Variants in MACROH2A1 observed in about 807,000 individuals in gnomAD.
MACROH2A1 encodes core histone macro-H2A.1.
Under a neutral mutation model 31.6 loss-of-function variants are expected in MACROH2A1, and 2 were observed. The ratio of observed to expected loss-of-function variants is 0.06; its 90% CI spans 0.03 to 0.20. The LOEUF is 0.20. MACROH2A1 is among the 10% of genes least tolerant of loss of function. MACROH2A1 has a pLI of 1.00. For missense variants in MACROH2A1, 230 were observed against 474.0 expected (o/e 0.49, Z 4.78); for synonymous variants, 169 against 189.6 (o/e 0.89, Z 0.89).
intron 4 of MACROH2A1, chr5:135,362,745 C>G (rs756316807): frequency 3.3e-5 from 5 of 152,156 alleles, no homozygotes; most frequent in Non-Finnish European, 7.3e-5. Context: ...AATGTGCTAA[C>G]TATCCAATCT....
At chr5:135,368,455 T>G (rs977680092) in intron 4 of MACROH2A1, among the ~76,000 whole-genome samples, 1 of 152,250 alleles carries the variant, frequency 6.6e-6, no homozygotes, top group African/African-American at 2.4e-5. Flanking sequence ...CCAGGACTTC[T>G]TATTGAGGGT....
intron 5 of MACROH2A1, chr5:135,353,951 ACT>A (rs1761888686): frequency 1.3e-5 from 2 of 152,256 alleles, no homozygotes; most frequent in South Asian, 2.1e-4. Context: ...CCCAGGTCCT[ACT>A]ATTCCCCTTG....
chr5:135,350,916 A>T, intron 6 of MACROH2A1: 1 of 1,593,022 alleles, frequency 6.3e-7, no homozygotes, highest in Non-Finnish European at 8.6e-7. Context: ...ACTTGCAACT[A>T]TAACAGGTAA....
intron 6 of MACROH2A1, chr5:135,346,274 T>A: frequency 1.8e-6 from 1 of 561,294 alleles, no homozygotes; most frequent in Non-Finnish European, 3.2e-6. Context: ...TCTGGCTGTC[T>A]CTGCTGCCCC....
intron 4 of MACROH2A1, among the ~76,000 whole-genome samples, chr5:135,366,121 T>C (rs1763471132): frequency 6.6e-6 from 1 of 152,220 alleles, no homozygotes; most frequent in Non-Finnish European, 1.5e-5. Context: ...AAGAGGTGCC[T>C]TTTGCCATGA....
intron 6 of MACROH2A1, 169 bp from the exon 7 acceptor site, chr5:135,346,226 T>G: frequency 1.6e-6 from 1 of 612,998 alleles, no homozygotes; most frequent in East Asian, 2.8e-5. Flanking sequence ...GAGAAGGGCT[T>G]TGTCATCACC....
At position 135,370,178 on chromosome 5, in the gene MACROH2A1, G is replaced by C. The variant is rs532600827; in HGVS notation, c.173-36C>G. On this transcript the variant is annotated intron_variant, in intron 2 of 8. Transcript: ENST00000511689. Reference sequence around the variant, plus strand: ...CAGAGATGAGTGTATGGTCATGTTAGAGGACCATGTGTCCCCGCCCCGGTC... The same window carrying C: ...CAGAGATGAGTGTATGGTCATGTTACAGGACCATGTGTCCCCGCCCCGGTC... 115 of 1,353,154 alleles carry C rather than the reference G, an allele frequency of 8.5e-5. No homozygotes were observed. The South Asian group carries it at 1.4e-3, about 16-fold the overall frequency. 83.8% of individuals were successfully genotyped at this position (1,353,154 alleles called of 1,614,324 possible).
intron 2 of MACROH2A1, among the ~76,000 whole-genome samples, chr5:135,374,817 C>T (rs1764640673): frequency 6.6e-6 from 1 of 152,146 alleles, no homozygotes; most frequent in Admixed American, 6.5e-5. Flanking sequence ...TTTCAGGAGC[C>T]ACAGCCTGGA....
intron 7 of MACROH2A1, 59 bp downstream of exon 7, chr5:135,345,909 G>C: frequency 8.8e-7 from 1 of 1,129,968 alleles, no homozygotes; most frequent in Non-Finnish European, 1.4e-6. Flanking sequence ...CTCACAAAAT[G>C]GCTTTCCTAA....
In MACROH2A1 at chr5:135,339,435, G is replaced by A. The variant is rs368801090; in HGVS notation, c.953+3825C>T. The stretch of plus-strand genomic sequence containing the variant: ...TGCTCTCAGTGAGCTCACCTTCCAG[G>A]GCTGGGGCCAGGCAGGTATGCAGCA... On this transcript the variant is annotated intron_variant, in intron 8 of 8. Transcript: ENST00000511689. Among the ~76,000 whole-genome samples, 10 of 152,164 alleles carry A rather than the reference G, an allele frequency of 6.6e-5. No homozygotes were observed. The East Asian group carries it at 1.5e-3, about 23-fold the overall frequency.
chr5:135,336,840 G>A (rs1561562582), intron 8 of MACROH2A1, among the ~76,000 whole-genome samples: 1 of 152,230 alleles, frequency 6.6e-6, no homozygotes, highest in African/African-American at 2.4e-5. Flanking sequence ...AATGAGCCAC[G>A]TTGAGAATTG....
Position 135,388,877 on chromosome 5 carries a change from T to C in MACROH2A1, c.172+45A>G, listed in dbSNP as rs200084456. 4.2e-4 allele frequency: 627 copies of C among 1,478,784 alleles called. 2 individuals carry two copies. The Middle Eastern group carries it at 0.011, about 27-fold the overall frequency. 91.6% of individuals were successfully genotyped at this position (1,478,784 alleles called of 1,614,324 possible). A position where few individuals can be genotyped will look rare whatever the true frequency, so the allele number is the denominator to read the frequency against. On this transcript the variant is annotated intron_variant, in intron 2 of 8. Transcript: ENST00000511689. ...GTCTTTGGAGAACTATGAGAACTTC[T>C]GCATCTTAAGCCAGTGGTGTCTGGG...
chr5:135,345,799 T>C (rs1760741714), intron 7 of MACROH2A1, 169 bp downstream of exon 7: 1 of 565,162 alleles, frequency 1.8e-6, no homozygotes, highest in East Asian at 2.8e-5. Context: ...CCAGACAACC[T>C]GCATGTGGTG....
At chr5:135,352,047 A>G (rs1346684167) in intron 6 of MACROH2A1, among the ~76,000 whole-genome samples, 1 of 152,114 alleles carries the variant, frequency 6.6e-6, no homozygotes, top group Non-Finnish European at 1.5e-5. Context: ...GCCTGGGCCC[A>G]TGGAATGAGT....
chr5:135,337,962 T>TGGGACTGTGGCTGCTC, intron 8 of MACROH2A1: 1 of 1,210,446 alleles, frequency 8.3e-7, no homozygotes, highest in Non-Finnish European at 1.1e-6. Flanking sequence ...AACCCTGCTA[T>TGGGACTGTGGCTGCTC]GGGACTGTGG....
chr5:135,395,373 G>A (rs1484554761), intron 1 of MACROH2A1, among the ~76,000 whole-genome samples: 1 of 152,172 alleles, frequency 6.6e-6, no homozygotes, highest in African/African-American at 2.4e-5. Flanking sequence ...AACTGCTGGG[G>A]AGTTGCTAGT....
At chr5:135,377,392 G>A (rs192965927) in intron 2 of MACROH2A1, among the ~76,000 whole-genome samples, 18 of 152,364 alleles carry the variant, frequency 1.2e-4, no homozygotes, top group Admixed American at 9.8e-4. Context: ...TCTCAGGAAG[G>A]GGTGAACAAT....
chr5:135,389,571 G>C (rs149440095), intron 1 of MACROH2A1, among the ~76,000 whole-genome samples: 31 of 152,318 alleles, frequency 2.0e-4, no homozygotes, highest in African/African-American at 6.5e-4. Flanking sequence ...CTCTATTTTA[G>C]ATTCTTTATC....
chr5:135,340,196 C>T (rs953638696), intron 8 of MACROH2A1, among the ~76,000 whole-genome samples: 1 of 152,172 alleles, frequency 6.6e-6, no homozygotes, highest in African/African-American at 2.4e-5. Flanking sequence ...AATTCTCACT[C>T]TACCAAGTAC....
Sources: gnomAD v4.1 joint callset for allele counts (sites outside exome capture counted in the v4.1 genomes callset) on GRCh38, gnomAD v4.1.1 for gene constraint, MANE v1.5 for transcripts, NCBI Gene and HGNC (gene_info 2026-07-23, HGNC 2026-07-21) for gene names.